FNDC1: variants seen among roughly 807,000 people sequenced by gnomAD.
The protein encoded by FNDC1 is fibronectin type III domain containing 1.
Under a neutral mutation model 168.0 loss-of-function variants are expected in FNDC1, and 96 were observed. That is an observed-to-expected ratio of 0.57 (90% CI 0.48 to 0.68). FNDC1 has a LOEUF of 0.68. FNDC1 is among the 30% of genes least tolerant of loss of function. The probability of loss-of-function intolerance (pLI) is 0.00; values close to 1 mark genes in which losing one functional copy is unlikely to be tolerated. For synonymous variants in FNDC1, 1,099 were observed against 1,025.9 expected, an observed-to-expected ratio of 1.07 and a Z score of -1.36; for missense variants, 2,587 against 2,482.1, an observed-to-expected ratio of 1.04 and a Z score of -0.90.
intron 2 of FNDC1, among the ~76,000 whole-genome samples, chr6:159,198,699 G>A (rs1321212028): frequency 1.3e-5 from 2 of 152,180 alleles, no homozygotes; most frequent in Non-Finnish European, 2.9e-5. Flanking sequence ...AAAGAGAGTC[G>A]TAGAGCTCAC....
chr6:159,222,048 G>A (rs957310231), intron 6 of FNDC1, among the ~76,000 whole-genome samples: 7 of 152,160 alleles, frequency 4.6e-5, no homozygotes, highest in African/African-American at 1.4e-4. Flanking sequence ...AAGAGCAGGC[G>A]GGAGGTGGTG....
intron 5 of FNDC1, chr6:159,218,675 G>A (rs1782756118): frequency 6.6e-6 from 1 of 152,268 alleles, no homozygotes; most frequent in Non-Finnish European, 1.5e-5. Flanking sequence ...CACTCTCCGA[G>A]CCACTCTCTG....
chr6:159,225,683 A>C lies in FNDC1; in HGVS notation c.1033A>C (p.Lys345Gln). The change falls in exon 8 of 23, where the codon AAA (lysine) becomes CAA (glutamine). Residue 345 changes from lysine (K) to glutamine (Q), a missense_variant. Physicochemically the swap from Lys to Gln is moderately conservative, Grantham distance 53 (BLOSUM62 1). Transcript: ENST00000297267. ...TATTTCACAGGGTGAAAGAGATGGCAAATGGAGTACGTCAGTCTTCCAAAG... is the reference window on the plus strand; with the variant it reads ...TATTTCACAGGGTGAAAGAGATGGCCAATGGAGTACGTCAGTCTTCCAAAG... ...VRISQGERDG[K>Q]WSTSVFQRTP... is the part of the protein sequence containing the mutation. 3 of 1,613,794 alleles carry C rather than the reference A, an allele frequency of 1.9e-6. No homozygotes were observed. Among genetic ancestry groups the C allele is most frequent in the Non-Finnish European group, 2.5e-6 (3 of 1,179,710 alleles).
intron 1 of FNDC1, among the ~76,000 whole-genome samples, chr6:159,188,353 C>T (rs112949549): frequency 2.1e-5 from 3 of 144,394 alleles, no homozygotes; most frequent in African/African-American, 8.1e-5. Flanking sequence ...CAGGTGGTAT[C>T]TGCCTCAATT....
chr6:159,233,432 C>G lies in FNDC1; in HGVS notation c.2920C>G (p.Arg974Gly). Residue 974 changes from arginine (R) to glycine (G), a missense_variant, in exon 11 of 23, where the codon CGC becomes GGC. By Grantham distance (125) the Arg-to-Gly change is moderately radical. Transcript: ENST00000297267. This position sits in a 1 kb window ranked among gnomAD's most constrained non-coding sequence, Gnocchi z 4.6. ...CAAAGCACAGCCAGGGTCCACAGAC[C>G]GCCACGCGTCCCCTGCTCGTCCGCC... is the stretch of plus-strand genomic sequence containing the variant. Reference protein sequence around the residue: ...SPKAQPGSTDRHASPARPPAA... With the variant: ...SPKAQPGSTDGHASPARPPAA... 1 of 1,610,714 alleles carries G rather than the reference C, an allele frequency of 6.2e-7. No individual in the cohort carries two copies. Among genetic ancestry groups the G allele is most frequent in the South Asian group, 1.1e-5 (1 of 90,672 alleles).
intron 22 of FNDC1, among the ~76,000 whole-genome samples, chr6:159,268,963 T>A (rs1777651021): frequency 6.6e-6 from 1 of 151,314 alleles, no homozygotes; most frequent in South Asian, 2.1e-4. Flanking sequence ...TACTTCAATC[T>A]ATCTATCCAC....
At chr6:159,260,977 G>A (rs1157777927) in intron 18 of FNDC1, among the ~76,000 whole-genome samples, 1 of 152,186 alleles carries the variant, frequency 6.6e-6, no homozygotes, top group East Asian at 1.9e-4. Context: ...TTAGCCATGT[G>A]TCCCTGCTAT....
Position 159,196,018 on chromosome 6 carries a change from C to G in FNDC1, c.110-1413C>G, listed in dbSNP as rs1782234892. 2.0e-5 allele frequency among the ~76,000 whole-genome samples: 3 copies of G among 152,168 alleles called. No homozygotes were observed. The South Asian group carries it at 6.2e-4, about 32-fold the overall frequency. The stretch of plus-strand genomic sequence containing the variant: ...GTTGGATTCCTGGGAATGATTCCTG[C>G]TGAAGTTGCTTGTAGATAAGGAAAG... On this transcript the variant is annotated intron_variant, in intron 1 of 22. Coordinates refer to ENST00000297267, the MANE Select transcript of FNDC1 (RefSeq NM_032532.3).
chr6:159,234,950 T>C (rs1783213096), intron 11 of FNDC1, among the ~76,000 whole-genome samples: 1 of 152,232 alleles, frequency 6.6e-6, no homozygotes, highest in African/African-American at 2.4e-5. Context: ...GTTAGATACA[T>C]ATGTAGGCTT....
In FNDC1 at chr6:159,249,173, C is replaced by T. The variant is rs759637752; in HGVS notation, c.4825C>T (p.Arg1609Ter). 1.4e-5 allele frequency: 23 copies of T among 1,609,228 alleles called. No homozygotes were observed. Among genetic ancestry groups the T allele is most frequent in the Non-Finnish European group, 1.4e-5 (16 of 1,178,294 alleles). ...EEEFDLAGRK[R>*]FVAPYVTYLN... ...AGAATTTGATCTGGCTGGAAGGAAA[C>T]GATTTGTTGGTAAATATAATGTCCT... The change falls in exon 16 of 23, where the codon CGA becomes TGA. Residue 1609 changes from arginine (R) to a stop codon, truncating the protein, a stop_gained. Coordinates refer to ENST00000297267, the MANE Select transcript of FNDC1 (RefSeq NM_032532.3). LOFTEE classifies it high-confidence loss of function.
At chr6:159,236,193 T>A (rs1783253103) in intron 11 of FNDC1, 22 bp from the exon 12 acceptor site, 1 of 1,574,538 alleles carries the variant, frequency 6.4e-7, no homozygotes, top group African/African-American at 1.4e-5. Flanking sequence ...GCTCTGTTAT[T>A]TTTATTTTTG....
rs571712666 is a variant in FNDC1, at chr6:159,235,309, A to G, written c.3967+830A>G. Reference sequence around the variant, plus strand: ...TTGGGGCTTTATAGAACATTCTTGAATGAATGTATTTTTTTTTTTTGCAGA... The same window carrying G: ...TTGGGGCTTTATAGAACATTCTTGAGTGAATGTATTTTTTTTTTTTGCAGA... On this transcript the variant is annotated intron_variant, in intron 11 of 22. Coordinates refer to ENST00000297267, the MANE Select transcript of FNDC1 (RefSeq NM_032532.3). Among the ~76,000 whole-genome samples the G allele has an allele frequency of 2.1e-4, 17 of 79,444 alleles. No individual in the cohort carries two copies. The South Asian group carries it at 8.7e-3, about 41-fold the overall frequency. 52.1% of individuals were successfully genotyped at this position (79,444 alleles called of 152,430 possible).
At chr6:159,238,365 G>C (rs986724967) in intron 12 of FNDC1, among the ~76,000 whole-genome samples, 189 bp from the exon 13 acceptor site, 1 of 152,124 alleles carries the variant, frequency 6.6e-6, no homozygotes, top group South Asian at 2.1e-4. Flanking sequence ...GATTACAAGC[G>C]TGAGCCACCG....
At chr6:159,248,637 A>G (rs1425717798) in intron 15 of FNDC1, among the ~76,000 whole-genome samples, 1 of 152,146 alleles carries the variant, frequency 6.6e-6, no homozygotes, top group African/African-American at 2.4e-5. Context: ...CTTCAAGTTT[A>G]TTTTTTGATG....
chr6:159,204,634 A>G (rs1203862419), intron 4 of FNDC1, among the ~76,000 whole-genome samples: 3 of 151,986 alleles, frequency 2.0e-5, no homozygotes, highest in Admixed American at 6.6e-5. Flanking sequence ...CTGCAGTGCT[A>G]CCTCTGCCCG....
chr6:159,177,313 T>G (rs1781781595), intron 1 of FNDC1, among the ~76,000 whole-genome samples: 1 of 152,150 alleles, frequency 6.6e-6, no homozygotes, highest in Non-Finnish European at 1.5e-5. Flanking sequence ...CCTTAAGCCC[T>G]AGTGCTGTGG....
intron 19 of FNDC1, among the ~76,000 whole-genome samples, chr6:159,262,330 T>C (rs149930397): frequency 2.0e-4 from 31 of 152,326 alleles, no homozygotes; most frequent in African/African-American, 7.0e-4. Context: ...AGTGTAATGA[T>C]TTAAAAATCT....
intron 1 of FNDC1, among the ~76,000 whole-genome samples, chr6:159,195,812 A>G (rs1355621062): frequency 1.3e-5 from 2 of 152,230 alleles, no homozygotes; most frequent in Non-Finnish European, 2.9e-5. Context: ...CAGTTCTCAC[A>G]TTTTAGAATG....
At chr6:159,261,068 A>G (rs2115026394) in intron 18 of FNDC1, 122 bp from the exon 19 acceptor site, 1 of 691,116 alleles carries the variant, frequency 1.4e-6, no homozygotes, top group Non-Finnish European at 2.5e-6. Context: ...TGCTGTATGC[A>G]TTTGTAAAAA....
Sources: allele counts gnomAD v4.1 joint callset (sites outside exome capture counted in the v4.1 genomes callset), GRCh38; gene constraint gnomAD v4.1.1; non-coding constraint Gnocchi (gnomAD v3.1); transcripts MANE v1.5; gene names NCBI Gene and HGNC (gene_info 2026-07-23, HGNC 2026-07-21).